Variants in SCAI observed in about 807,000 individuals in gnomAD.
SCAI encodes the protein suppressor of cancer cell invasion.
A neutral mutation model predicts 92.2 loss-of-function variants in SCAI; 24 were observed. The ratio of observed to expected loss-of-function variants is 0.26; its 90% CI spans 0.19 to 0.37. The LOEUF is 0.37. SCAI is among the 10% of genes least tolerant of loss of function. SCAI has a pLI of 1.00. For synonymous variants in SCAI, 261 were observed against 258.6 expected, an observed-to-expected ratio of 1.01 and a Z score of -0.09; for missense variants, 450 against 736.2, an observed-to-expected ratio of 0.61 and a Z score of 4.50.
chr9:125,141,302 G>A (rs781642304), intron 2 of SCAI, among the ~76,000 whole-genome samples: 6 of 152,146 alleles, frequency 3.9e-5, no homozygotes, highest in Admixed American at 6.5e-5. Context: ...TCAGCATTTC[G>A]TGTCTATTTA....
intron 2 of SCAI, among the ~76,000 whole-genome samples, chr9:125,089,022 T>G (rs1834377243): frequency 6.6e-6 from 1 of 152,184 alleles, no homozygotes; most frequent in Admixed American, 6.5e-5. Flanking sequence ...GGGAGGCAGA[T>G]CGCCCCAGCT....
At chr9:125,128,845 C>T (rs1199709287) in intron 2 of SCAI, among the ~76,000 whole-genome samples, 2 of 151,710 alleles carry the variant, frequency 1.3e-5, no homozygotes, top group African/African-American at 4.8e-5. Flanking sequence ...GGTCTATCAC[C>T]TGAGGTCAGG....
At chr9:125,072,773 G>A (rs1360605570) in intron 2 of SCAI, among the ~76,000 whole-genome samples, 4 of 152,090 alleles carry the variant, frequency 2.6e-5, no homozygotes, top group African/African-American at 9.7e-5. Context: ...TCATGTAAGT[G>A]GAATCATATA....
At chr9:125,052,177 T>TA (rs1466648654) in intron 3 of SCAI, among the ~76,000 whole-genome samples, 1 of 152,264 alleles carries the variant, frequency 6.6e-6, no homozygotes, top group Admixed American at 6.5e-5. Flanking sequence ...AATGATTTCT[T>TA]AGATACAATA....
chr9:125,023,353 G>C (rs975455353), intron 6 of SCAI, among the ~76,000 whole-genome samples: 1 of 152,112 alleles, frequency 6.6e-6, no homozygotes, highest in Non-Finnish European at 1.5e-5. Context: ...CCATTTAAAA[G>C]GATGATTGTC....
At chr9:124,990,183 A>T (rs1033806699) in intron 14 of SCAI, among the ~76,000 whole-genome samples, 1 of 151,942 alleles carries the variant, frequency 6.6e-6, no homozygotes, top group Non-Finnish European at 1.5e-5. Flanking sequence ...TCAAAAAAGA[A>T]AAAAAAAGAA....
intron 2 of SCAI, among the ~76,000 whole-genome samples, chr9:125,113,887 G>A (rs953432346): frequency 5.3e-5 from 8 of 152,226 alleles, no homozygotes; most frequent in African/African-American, 1.7e-4. Context: ...GCTTGAAAGC[G>A]GGAGGCGGAG....
intron 2 of SCAI, among the ~76,000 whole-genome samples, chr9:125,123,244 T>A (rs1392227025): frequency 6.6e-6 from 1 of 151,980 alleles, no homozygotes; most frequent in African/African-American, 2.4e-5. Context: ...GTGCCTGTAG[T>A]CCCAGCAACT....
At chr9:125,109,049 TC>T (rs764175066) in intron 2 of SCAI, among the ~76,000 whole-genome samples, 25 of 152,350 alleles carry the variant, frequency 1.6e-4, no homozygotes, top group Non-Finnish European at 3.2e-4. Flanking sequence ...TGTTGATCTA[TC>T]ACCTTACCCC....
chr9:125,022,721 AAG>A lies in SCAI; in HGVS notation c.513-1954_513-1953del, dbSNP rs1832896058. The stretch of plus-strand genomic sequence containing the variant: ...GTGTGAGTCACCGCTCTTGGCCTCG[AAG>A]AGTCTCTTAAAAACAGTATATTATT... On this transcript the variant is annotated intron_variant, in intron 6 of 17. Transcript: ENST00000336505. Among the ~76,000 whole-genome samples the A allele has an allele frequency of 2.6e-5, 4 of 152,276 alleles. No homozygotes were observed. The South Asian group carries it at 8.3e-4, about 32-fold the overall frequency.
Position 124,950,817 on chromosome 9 carries a change from G to A in SCAI, c.*1990C>T, listed in dbSNP as rs1327468589. On this transcript the variant is annotated 3_prime_UTR_variant, in exon 18 of 18. Coordinates refer to ENST00000336505, the MANE Select transcript of SCAI (RefSeq NM_001144877.3). ...TAATCCTAGCACTTTGGGAGGTTGAGGCAGGAGGATCACTTGAGCCCAGGA... is the reference window on the plus strand; with the variant it reads ...TAATCCTAGCACTTTGGGAGGTTGAAGCAGGAGGATCACTTGAGCCCAGGA... 1 of 152,146 alleles carries A rather than the reference G, an allele frequency of 6.6e-6. No individual in the cohort carries two copies. The highest frequency in any genetic ancestry group is 1.5e-5 in the Non-Finnish European group (1 of 68,084). 9.4% of individuals were successfully genotyped at this position (152,146 alleles called of 1,614,324 possible).
At chr9:125,129,924 A>C (rs972509811) in intron 2 of SCAI, among the ~76,000 whole-genome samples, 1 of 148,636 alleles carries the variant, frequency 6.7e-6, no homozygotes, top group African/African-American at 2.5e-5. Flanking sequence ...GTTGAGATGG[A>C]GTCTTGCTCT....
Position 125,029,652 on chromosome 9 carries a change from C to T in SCAI, c.318G>A (p.Gln106=), listed in dbSNP as rs865967444. The part of the protein sequence containing the change: ...DVYTKLWKFQ[Q]QHRQVLDNRY... ...CTATAAAATTCATTTACCGATGCTGCTGCTGGAACTTCCAGAGTTTGGTGT... is the reference window on the plus strand; with the variant it reads ...CTATAAAATTCATTTACCGATGCTGTTGCTGGAACTTCCAGAGTTTGGTGT... The change falls in exon 4 of 18, where the codon CAG becomes CAA. Residue 106 remains glutamine (Q), a synonymous_variant. Coordinates refer to ENST00000336505, the MANE Select transcript of SCAI (RefSeq NM_001144877.3). 7 of 1,607,358 alleles carry T rather than the reference C, an allele frequency of 4.4e-6. No homozygotes were observed. The Middle Eastern group carries it at 6.6e-4, about 152-fold the overall frequency.
At chr9:125,038,006 C>CA in intron 3 of SCAI, among the ~76,000 whole-genome samples, 1 of 152,072 alleles carries the variant, frequency 6.6e-6, no homozygotes, top group Admixed American at 6.6e-5. Context: ...CCTGTAATCC[C>CA]AGCACTTTGA....
At chr9:124,995,611 T>A (rs947511677) in intron 13 of SCAI, among the ~76,000 whole-genome samples, 4 of 152,012 alleles carry the variant, frequency 2.6e-5, no homozygotes, top group Non-Finnish European at 5.9e-5. Flanking sequence ...CACCTCAGCC[T>A]CCTTGAGTAG....
chr9:125,042,634 T>TGTGTGTAC (rs761672178), intron 3 of SCAI, among the ~76,000 whole-genome samples: 2 of 96,216 alleles, frequency 2.1e-5, no homozygotes, highest in African/African-American at 7.8e-5. Context: ...TGTGTGTGTG[T>TGTGTGTAC]ACACACACAC....
intron 7 of SCAI, among the ~76,000 whole-genome samples, chr9:125,020,083 A>G (rs1411939309): frequency 6.6e-6 from 1 of 151,496 alleles, no homozygotes; most frequent in East Asian, 1.9e-4. Flanking sequence ...AAAAAAAAAA[A>G]AAGAAAAAAA....
intron 3 of SCAI, among the ~76,000 whole-genome samples, chr9:125,033,563 T>C (rs360206): frequency 0.21 from 32,445 of 152,094 alleles, 3,630 homozygotes; most frequent in African/African-American, 0.27. Flanking sequence ...TCTTTCTATG[T>C]AGGTTTATTT....
At chr9:125,078,842 T>C (rs1434291336) in intron 2 of SCAI, among the ~76,000 whole-genome samples, 1 of 152,244 alleles carries the variant, frequency 6.6e-6, no homozygotes, top group East Asian at 1.9e-4. Flanking sequence ...GCCCAGGAGT[T>C]CAAGTGAGCC....
Sources: gnomAD v4.1 joint callset for allele counts (sites outside exome capture counted in the v4.1 genomes callset) on GRCh38, gnomAD v4.1.1 for gene constraint, MANE v1.5 for transcripts, NCBI Gene and HGNC (gene_info 2026-07-23, HGNC 2026-07-21) for gene names.